Variants in LPGAT1 observed in about 807,000 individuals in gnomAD.
LPGAT1 encodes the protein acyl-CoA:lysophosphatidylglycerol acyltransferase 1.
LPGAT1 carries 11 observed loss-of-function variants against 47.5 expected under a neutral mutation model. The ratio of observed to expected loss-of-function variants is 0.23; its 90% CI spans 0.15 to 0.38. The LOEUF is 0.38. Among genes scored for constraint, LPGAT1 ranks in the 10% least tolerant of loss-of-function variants. The pLI, the probability that LPGAT1 is intolerant of heterozygous loss-of-function variation, is 1.00. For synonymous variants in LPGAT1, 138 were observed against 144.2 expected, an observed-to-expected ratio of 0.96 and a Z score of 0.31; for missense variants, 293 against 439.0, an observed-to-expected ratio of 0.67 and a Z score of 2.97.
At chr1:211,764,933 TGCAACAGTCAA>T (rs1657846729) in intron 6 of LPGAT1, among the ~76,000 whole-genome samples, 1 of 152,164 alleles carries the variant, frequency 6.6e-6, no homozygotes, top group African/African-American at 2.4e-5. Flanking sequence ...CCTTGTTCCT[TGCAACAGTCAA>T]GAGCCCTCAA....
In LPGAT1 at chr1:211,812,888, C is replaced by T. The variant is rs190787592; in HGVS notation, c.238+16171G>A. 5.7e-4 allele frequency among the ~76,000 whole-genome samples: 87 copies of T among 152,270 alleles called. 1 individual carries two copies. In the East Asian group the frequency reaches 0.014, roughly 24 times the overall value. On this transcript the variant is annotated intron_variant, in intron 2 of 7. Transcript: ENST00000366997. ...CCTGCTGACACCTTGATTTGAATGT[C>T]GGGCCTCTAGAACAGTGAGAGAATA...
In LPGAT1 at chr1:211,830,540, T is replaced by C; in HGVS notation, c.-28+33A>G. The C allele has an allele frequency of 9.6e-7, 1 of 1,038,960 alleles. No individual in the cohort carries two copies. Among genetic ancestry groups the C allele is most frequent in the Non-Finnish European group, 1.2e-6 (1 of 855,158 alleles). The allele number at this position is 1,038,960 out of a possible 1,614,324, so 64.4% of individuals were successfully genotyped here. A position where few individuals can be genotyped will look rare whatever the true frequency, so the allele number is the denominator to read the frequency against. ...TCCCCTGGCCCGGCTCCGCTGCCGCTCTGGGGCCTGCGACCGCGGAGCCGG... is the reference window on the plus strand; with the variant it reads ...TCCCCTGGCCCGGCTCCGCTGCCGCCCTGGGGCCTGCGACCGCGGAGCCGG... On this transcript the variant is annotated intron_variant, in intron 1 of 7. Coordinates refer to ENST00000366997, the MANE Select transcript of LPGAT1 (RefSeq NM_014873.3). The surrounding 1 kb of genome is among the most constrained non-coding windows in gnomAD (Gnocchi z 5.9).
intron 6 of LPGAT1, among the ~76,000 whole-genome samples, chr1:211,778,357 A>C (rs56390499): frequency 0.92 from 121,625 of 132,856 alleles, 55,623 homozygotes; most frequent in Admixed American, 0.94. Context: ...AAAAAAAAAA[A>C]AAAAAAAAAA....
intron 4 of LPGAT1, among the ~76,000 whole-genome samples, chr1:211,783,970 T>A (rs1658742348): frequency 1.3e-5 from 2 of 152,176 alleles, no homozygotes; most frequent in South Asian, 4.1e-4. Flanking sequence ...AAAGCTGCTA[T>A]GAGGAGGTGA....
At chr1:211,765,610 G>T (rs1288280086) in intron 6 of LPGAT1, among the ~76,000 whole-genome samples, 1 of 152,120 alleles carries the variant, frequency 6.6e-6, no homozygotes, top group African/African-American at 2.4e-5. Flanking sequence ...AAAAGACATG[G>T]TAAACCCCCA....
At chr1:211,829,819 G>C (rs1660663449) in intron 1 of LPGAT1, 7 of 985,230 alleles carry the variant, frequency 7.1e-6, no homozygotes, top group Non-Finnish European at 8.4e-6. Flanking sequence ...TGGCTCTAGC[G>C]AAGAGTTACC....
chr1:211,769,554 G>A (rs1343754397), intron 6 of LPGAT1, among the ~76,000 whole-genome samples: 1 of 152,186 alleles, frequency 6.6e-6, no homozygotes, highest in East Asian at 1.9e-4. Context: ...TATAAAGAAA[G>A]TAGAGGAATA....
chr1:211,782,072 C>T (rs1222946244), intron 5 of LPGAT1, among the ~76,000 whole-genome samples: 6 of 152,160 alleles, frequency 3.9e-5, no homozygotes, highest in African/African-American at 1.4e-4. Flanking sequence ...TTCCTACTGC[C>T]TTGTTGTTTA....
At chr1:211,827,344 G>A (rs1416000281) in intron 2 of LPGAT1, among the ~76,000 whole-genome samples, 1 of 152,110 alleles carries the variant, frequency 6.6e-6, no homozygotes, top group Non-Finnish European at 1.5e-5. Context: ...AAAATATGCT[G>A]AAAAATACAT....
At chr1:211,761,048 C>T (rs1345947523) in intron 6 of LPGAT1, among the ~76,000 whole-genome samples, 1 of 152,102 alleles carries the variant, frequency 6.6e-6, no homozygotes, top group Admixed American at 6.5e-5. Context: ...TTTAACTATT[C>T]ACCTTTACCA....
At chr1:211,771,556 T>A (rs566095490) in intron 6 of LPGAT1, among the ~76,000 whole-genome samples, 30 of 152,208 alleles carry the variant, frequency 2.0e-4, no homozygotes, top group Middle Eastern at 3.4e-3. Flanking sequence ...CAGGCTGGAG[T>A]GCAGTGGCGC....
chr1:211,829,184 C>A lies in LPGAT1; in HGVS notation c.113G>T (p.Cys38Phe). The A allele has an allele frequency of 6.2e-7, 1 of 1,614,146 alleles. No individual in the cohort carries two copies. The highest frequency in any genetic ancestry group is 8.5e-7 in the Non-Finnish European group (1 of 1,180,036). The change falls in exon 2 of 8, where the codon TGC becomes TTC. Residue 38 changes from cysteine to phenylalanine, a missense_variant. Cys to Phe is a radical substitution (Grantham distance 205, BLOSUM62 -2). Transcript: ENST00000366997. ...AAGGGGCTGAAGTATAATTACATAGCAGATGTAGGATGGAATAGCAACCAG... is the reference window on the plus strand; with the variant it reads ...AAGGGGCTGAAGTATAATTACATAGAAGATGTAGGATGGAATAGCAACCAG... The part of the protein sequence containing the change: ...NNLVAIPSYI[C>F]YVIILQPLRV...
chr1:211,772,990 A>G (rs1248571887), intron 6 of LPGAT1, among the ~76,000 whole-genome samples: 1 of 151,482 alleles, frequency 6.6e-6, no homozygotes, highest in Non-Finnish European at 1.5e-5. Flanking sequence ...TTTCTCATAA[A>G]TAACTTTTCC....
intron 2 of LPGAT1, among the ~76,000 whole-genome samples, chr1:211,824,833 G>T (rs1023949609): frequency 5.9e-5 from 9 of 152,116 alleles, no homozygotes; most frequent in African/African-American, 1.7e-4. Flanking sequence ...TTCAAAGTCA[G>T]AAATAATTCC....
chr1:211,753,400 AG>A (rs1311069356), intron 6 of LPGAT1, among the ~76,000 whole-genome samples: 1 of 152,114 alleles, frequency 6.6e-6, no homozygotes, highest in Non-Finnish European at 1.5e-5. Context: ...CCTTTCTGGA[AG>A]ATTTCTTATT....
At chr1:211,778,367 A>C (rs9728182) in intron 6 of LPGAT1, among the ~76,000 whole-genome samples, 6 of 151,698 alleles carry the variant, frequency 4.0e-5, no homozygotes, top group African/African-American at 7.3e-5. Flanking sequence ...AAAAAAAAAA[A>C]AAAAAAAGGA....
intron 6 of LPGAT1, among the ~76,000 whole-genome samples, chr1:211,760,462 C>A (rs1219230925): frequency 9.2e-5 from 14 of 152,050 alleles, no homozygotes; most frequent in Admixed American, 8.5e-4. Context: ...TCCCCCCAAC[C>A]CCCCTCAAAA....
intron 4 of LPGAT1, among the ~76,000 whole-genome samples, chr1:211,784,490 CAAAAA>C (rs373021672): frequency 4.4e-5 from 5 of 112,530 alleles, no homozygotes; most frequent in Admixed American, 9.3e-5. Context: ...GACCCTGTCT[CAAAAA>C]AAAAAAAAAA....
chr1:211,825,338 T>G (rs376436270), intron 2 of LPGAT1, among the ~76,000 whole-genome samples: 128 of 152,100 alleles, frequency 8.4e-4, no homozygotes, highest in African/African-American at 2.9e-3. Context: ...ATTACAGGCA[T>G]AAGCCACTGT....
Sources: allele counts gnomAD v4.1 joint callset (sites outside exome capture counted in the v4.1 genomes callset), GRCh38; gene constraint gnomAD v4.1.1; non-coding constraint Gnocchi (gnomAD v3.1); transcripts MANE v1.5; gene names NCBI Gene and HGNC (gene_info 2026-07-23, HGNC 2026-07-21).